The following INPP5D variants were observed in gnomAD, a reference collection of about 807,000 sequenced individuals.
The protein encoded by INPP5D is inositol polyphosphate-5-phosphatase D.
Under a neutral mutation model 122.9 loss-of-function variants are expected in INPP5D, and 33 were observed. The observed-to-expected ratio is 0.27, with a 90% CI of 0.20 to 0.36. The LOEUF (loss-of-function observed/expected upper bound fraction) is 0.36, where lower values mean the gene tolerates loss of function less well. Among genes scored for constraint, INPP5D ranks in the 10% least tolerant of loss-of-function variants. INPP5D has a pLI of 1.00. For synonymous variants in INPP5D, 584 were observed against 576.2 expected, an observed-to-expected ratio of 1.01 and a Z score of -0.19; for missense variants, 1,053 against 1,412.7, an observed-to-expected ratio of 0.75 and a Z score of 4.08.
chr2:233,158,046 G>A (rs928309711), intron 9 of INPP5D, among the ~76,000 whole-genome samples: 7 of 152,072 alleles, frequency 4.6e-5, no homozygotes, highest in Non-Finnish European at 7.4e-5. Context: ...AGGGGAAGGA[G>A]GGAGGCAGGG....
intron 2 of INPP5D, among the ~76,000 whole-genome samples, chr2:233,093,951 C>T (rs1389697134): frequency 1.3e-5 from 2 of 152,068 alleles, no homozygotes; most frequent in Non-Finnish European, 2.9e-5. Flanking sequence ...GGCCCGTTTT[C>T]CCTGTGCTTC....
At chr2:233,061,380 G>C (rs115586706) in intron 1 of INPP5D, among the ~76,000 whole-genome samples, 215 of 152,246 alleles carry the variant, frequency 1.4e-3, no homozygotes, top group African/African-American at 5.0e-3. Context: ...GTCTGAAGGA[G>C]GCCCTTGCCC....
rs747076628 is a variant in INPP5D, at chr2:233,185,882, G to A, written c.2315G>A (p.Ser772Asn). 8.0e-5 allele frequency: 129 copies of A among 1,609,880 alleles called. 1 individual carries two copies. The highest frequency in any genetic ancestry group is 1.1e-4 in the Non-Finnish European group (125 of 1,178,150). The change falls in exon 21 of 27, where the codon AGT (serine) becomes AAT (asparagine). Residue 772 changes from serine to asparagine, a missense_variant. By Grantham distance (46) the Ser-to-Asn change is conservative. Around this residue, in one of 6 missense-constraint regions of INPP5D, gnomAD observed 258 missense variants for 439.1 expected, o/e 0.59. Transcript: ENST00000445964. Reference sequence around the variant, plus strand: ...CAGGAAGGAGAAAATGAAGAAGGAAGTGAGGGGGAGCTGGTGGTGAAGTTT... The same window carrying A: ...CAGGAAGGAGAAAATGAAGAAGGAAATGAGGGGGAGCTGGTGGTGAAGTTT... Reference protein sequence around the residue: ...KSQEGENEEGSEGELVVKFGE... With the variant: ...KSQEGENEEGNEGELVVKFGE...
intron 2 of INPP5D, 65 bp downstream of exon 2, chr2:233,079,463 T>A: frequency 9.4e-7 from 1 of 1,064,264 alleles, no homozygotes; most frequent in Non-Finnish European, 1.5e-6. Context: ...AGAAAGGGTG[T>A]AAACGATGAG....
Position 233,164,526 on chromosome 2 carries a change from A to G in INPP5D, c.1555+102A>G. ...CAGTAGTTCCCCGGGTTAAAAACAG[A>G]GAGCCTCACATCCTCAGATCCTGGC... On this transcript the variant is annotated intron_variant, in intron 13 of 26. Transcript: ENST00000445964. This position sits in a 1 kb window ranked among gnomAD's most constrained non-coding sequence, Gnocchi z 4.3. The G allele has an allele frequency of 7.2e-7, 1 of 1,393,378 alleles. No individual in the cohort carries two copies. The highest frequency in any genetic ancestry group is 9.4e-7 in the Non-Finnish European group (1 of 1,058,920). 86.3% of individuals were successfully genotyped at this position (1,393,378 alleles called of 1,614,324 possible). A position where few individuals can be genotyped will look rare whatever the true frequency, so the allele number is the denominator to read the frequency against.
intron 2 of INPP5D, among the ~76,000 whole-genome samples, chr2:233,101,031 A>T (rs916275852): frequency 1.3e-4 from 19 of 149,788 alleles, no homozygotes; most frequent in Non-Finnish European, 2.4e-4. Context: ...CCTGATCCAA[A>T]CTTGCTTTCT....
At chr2:233,067,212 C>T (rs971400796) in intron 1 of INPP5D, among the ~76,000 whole-genome samples, 14 of 152,262 alleles carry the variant, frequency 9.2e-5, no homozygotes, top group Non-Finnish European at 1.8e-4. Context: ...ACTCCCTATT[C>T]CCTCTCCACC....
intron 17 of INPP5D, 129 bp downstream of exon 17, chr2:233,171,281 C>T (rs1694489227): frequency 2.1e-6 from 3 of 1,400,304 alleles, no homozygotes; most frequent in African/African-American, 1.5e-5. Flanking sequence ...AATTAGAAAG[C>T]ACATGTTGAT....
At chr2:233,141,890 C>T (rs933140512) in intron 6 of INPP5D, among the ~76,000 whole-genome samples, 23 of 152,212 alleles carry the variant, frequency 1.5e-4, no homozygotes, top group South Asian at 1.0e-3. Context: ...AGGTTTTCTA[C>T]GGAGAACACG....
chr2:233,075,521 G>A (rs527873548), intron 1 of INPP5D, among the ~76,000 whole-genome samples: 37 of 148,446 alleles, frequency 2.5e-4, no homozygotes, highest in African/African-American at 6.8e-4. Context: ...GTGTGTGTGT[G>A]CATGTGTACA....
chr2:233,115,090 C>T (rs1692749422), intron 2 of INPP5D, among the ~76,000 whole-genome samples: 1 of 152,178 alleles, frequency 6.6e-6, no homozygotes, highest in Non-Finnish European at 1.5e-5. Context: ...TGGTTTCGAG[C>T]TCCTGACCTC....
Position 233,178,201 on chromosome 2 carries a change from G to A in INPP5D, c.2071+855G>A, listed in dbSNP as rs566307797. On this transcript the variant is annotated intron_variant, in intron 18 of 26. Coordinates refer to ENST00000445964, the MANE Select transcript of INPP5D (RefSeq NM_001017915.3). ...AGTCTCAGCTGCTCAATAGGCTGAG[G>A]GGGGAGGATCGCTTGAGCCCAGTAG... 1.1e-4 allele frequency among the ~76,000 whole-genome samples: 17 copies of A among 152,256 alleles called. 1 individual carries two copies. The South Asian group carries it at 1.2e-3, about 11-fold the overall frequency.
chr2:233,203,328 G>C (rs1484176917), intron 25 of INPP5D, among the ~76,000 whole-genome samples: 1 of 152,172 alleles, frequency 6.6e-6, no homozygotes, highest in African/African-American at 2.4e-5. Flanking sequence ...GTGGGAAGGG[G>C]CTGTGGAGAG....
intron 4 of INPP5D, among the ~76,000 whole-genome samples, chr2:233,129,420 C>G (rs1267044025): frequency 6.6e-6 from 1 of 152,146 alleles, no homozygotes; most frequent in Non-Finnish European, 1.5e-5. Context: ...AACACTCAAG[C>G]GTTACCCAGA....
At chr2:233,126,532 T>A (rs73105542) in intron 4 of INPP5D, among the ~76,000 whole-genome samples, 10,039 of 152,292 alleles carry the variant, frequency 0.066, 525 homozygotes, top group East Asian at 0.18. Flanking sequence ...CGCTCCTTGA[T>A]TTATTTGTGC....
At position 233,133,872 on chromosome 2, in the gene INPP5D, G is replaced by T. The variant is rs1345315939; in HGVS notation, c.665+3224G>T. The T allele has an allele frequency of 1.6e-5, 7 of 425,604 alleles. No individual in the cohort carries two copies. In the Admixed American group the frequency reaches 1.7e-4, roughly 10 times the overall value. 26.4% of individuals were successfully genotyped at this position (425,604 alleles called of 1,614,324 possible). On this transcript the variant is annotated intron_variant, in intron 5 of 26. Coordinates refer to ENST00000445964, the MANE Select transcript of INPP5D (RefSeq NM_001017915.3). ...TCCATGAGGAAGGTGGCTAGCAGGG[G>T]CAGGGGTCTGTGTCTGTTTTGCTTC...
At chr2:233,123,254 G>T (rs1693044910) in intron 3 of INPP5D, among the ~76,000 whole-genome samples, 1 of 152,164 alleles carries the variant, frequency 6.6e-6, no homozygotes, top group Non-Finnish European at 1.5e-5. Flanking sequence ...AGGAGATCGA[G>T]ACCATCCTGG....
At position 233,100,450 on chromosome 2, in the gene INPP5D, G is replaced by C. The variant is rs1005220970; in HGVS notation, c.198+21052G>C. Among the ~76,000 whole-genome samples the C allele has an allele frequency of 1.1e-4, 17 of 152,098 alleles. No individual in the cohort carries two copies. The highest frequency in any genetic ancestry group is 2.1e-4 in the Non-Finnish European group (14 of 68,014). ...GTAATCTCATCTAGCCTCTTGCCTGGGGTGGACGTCAAGCTCACTACACTG... is the reference window on the plus strand; with the variant it reads ...GTAATCTCATCTAGCCTCTTGCCTGCGGTGGACGTCAAGCTCACTACACTG... On this transcript the variant is annotated intron_variant, in intron 2 of 26. Coordinates refer to ENST00000445964, the MANE Select transcript of INPP5D (RefSeq NM_001017915.3). This position sits in a 1 kb window ranked among gnomAD's most constrained non-coding sequence, Gnocchi z 5.3.
In INPP5D at chr2:233,198,248, G is replaced by C. The variant is rs529175498; in HGVS notation, c.2847G>C (p.Lys949Asn). ...PTAWSYDQPPKDSPLGPCRGE... is the reference protein window; with the variant it reads ...PTAWSYDQPPNDSPLGPCRGE... ...CCTGGAGCTACGACCAGCCGCCCAA[G>C]GACTCCCCGCTGGGGCCCTGCAGGG... Residue 949 changes from lysine to asparagine, a missense_variant, in exon 25 of 27, where the codon AAG becomes AAC. Physicochemically the swap from Lys to Asn is moderately conservative, Grantham distance 94. Around this residue, in one of 6 missense-constraint regions of INPP5D, gnomAD observed 417 missense variants for 425.8 expected, o/e 0.98. Transcript: ENST00000445964. 1.9e-6 allele frequency: 3 copies of C among 1,613,526 alleles called. No individual in the cohort carries two copies. In the Admixed American group the frequency reaches 5.0e-5, roughly 27 times the overall value.
Sources: gnomAD v4.1 joint callset for allele counts (sites outside exome capture counted in the v4.1 genomes callset) on GRCh38, gnomAD v4.1.1 for gene constraint, gnomAD v4.1.1 regional missense constraint, Gnocchi (gnomAD v3.1) non-coding constraint, MANE v1.5 for transcripts, NCBI Gene and HGNC (gene_info 2026-07-23, HGNC 2026-07-21) for gene names.